Variants in DAD1 observed in about 807,000 individuals in gnomAD.
DAD1 encodes dolichyl-diphosphooligosaccharide--protein glycosyltransferase subunit DAD1.
In DAD1, 4 loss-of-function variants were observed where a neutral mutation model predicts 9.0. That is an observed-to-expected ratio of 0.44 (90% confidence interval 0.22 to 1.01). The LOEUF is 1.01. Ranked by LOEUF, DAD1 falls within the 50% of genes least tolerant of loss-of-function variation. The probability of loss-of-function intolerance (pLI) is 0.24; values close to 1 mark genes in which losing one functional copy is unlikely to be tolerated. For missense variants in DAD1, 119 were observed against 137.3 expected (o/e 0.87, Z 0.67); for synonymous variants, 60 against 62.5 (o/e 0.96, Z 0.19).
At chr14:22,566,481 G>A (rs764577071) in intron 2 of DAD1, among the ~76,000 whole-genome samples, 13 of 152,090 alleles carry the variant, frequency 8.5e-5, no homozygotes, top group Non-Finnish European at 1.5e-4. Flanking sequence ...TTACAGGCGT[G>A]TGCCACCACA....
At chr14:22,575,990 C>G (rs770810129) in intron 1 of DAD1, among the ~76,000 whole-genome samples, 1 of 152,080 alleles carries the variant, frequency 6.6e-6, no homozygotes, top group Non-Finnish European at 1.5e-5. Flanking sequence ...ACAAATGTAC[C>G]CCCTCAATTA....
intron 2 of DAD1, among the ~76,000 whole-genome samples, chr14:22,566,907 T>C (rs1033072954): frequency 6.6e-6 from 1 of 152,212 alleles, no homozygotes; most frequent in African/African-American, 2.4e-5. Context: ...CAGATCTATT[T>C]ACCAGACACT....
At chr14:22,582,164 G>A (rs564636014) in intron 1 of DAD1, among the ~76,000 whole-genome samples, 27 of 151,352 alleles carry the variant, frequency 1.8e-4, no homozygotes, top group Non-Finnish European at 3.5e-4. Flanking sequence ...CTGAGATCGC[G>A]CCACTGCACT....
At chr14:22,581,359 A>C (rs2037114141) in intron 1 of DAD1, among the ~76,000 whole-genome samples, 1 of 152,188 alleles carries the variant, frequency 6.6e-6, no homozygotes, top group South Asian at 2.1e-4. Flanking sequence ...GCTATTTAAG[A>C]CCAATATTTG....
rs1185220873 is a variant in DAD1 at position 22,584,870 on chromosome 14, G to A, written c.211+4077C>T. On this transcript the variant is annotated intron_variant, in intron 1 of 2. Transcript: ENST00000250498. ...TCAAATCAAGCCTGCAAACACAATA[G>A]AAGATGGACTGGAAACCAGAGGCCG... Among the ~76,000 whole-genome samples, 3 of 152,264 alleles carry A rather than the reference G, an allele frequency of 2.0e-5. No homozygotes were observed. In the East Asian group the frequency reaches 5.8e-4, roughly 29 times the overall value.
intron 2 of DAD1, among the ~76,000 whole-genome samples, chr14:22,574,228 A>T (rs1205957300): frequency 6.6e-6 from 1 of 152,330 alleles, no homozygotes; most frequent in African/African-American, 2.4e-5. Context: ...AGGGAAGGCC[A>T]ATGGATTGTT....
chr14:22,575,135 G>C lies in DAD1; in HGVS notation c.310C>G (p.Leu104Val). ...ACAAAGTTCATGACAACAAGGTGCA[G>C]GATGGTGCTGGCAAAGAGAAAATCA... is the stretch of plus-strand genomic sequence containing the variant. ...FADFLFASTI[L>V]HLVVMNFVG The change falls in exon 2 of 3, where the codon CTG becomes GTG. Residue 104 changes from leucine (L) to valine (V), a missense_variant. By Grantham distance (32) the Leu-to-Val change is conservative. Transcript: ENST00000250498. 1.9e-6 allele frequency: 3 copies of C among 1,614,150 alleles called. No individual in the cohort carries two copies. Among genetic ancestry groups the C allele is most frequent in the Non-Finnish European group, 2.5e-6 (3 of 1,179,988 alleles).
intron 1 of DAD1, among the ~76,000 whole-genome samples, chr14:22,581,391 T>C (rs1363867370): frequency 1.3e-5 from 2 of 152,124 alleles, no homozygotes; most frequent in Non-Finnish European, 2.9e-5. Context: ...ACCAACCATG[T>C]AAAAATCTGG....
chr14:22,586,029 AC>A (rs2037149744), intron 1 of DAD1, among the ~76,000 whole-genome samples: 3 of 151,966 alleles, frequency 2.0e-5, no homozygotes, highest in Admixed American at 2.0e-4. Flanking sequence ...ACACGATGAA[AC>A]CCTGTCTCCA....
intron 2 of DAD1, among the ~76,000 whole-genome samples, chr14:22,574,344 T>A (rs76050305): frequency 5.3e-5 from 8 of 151,942 alleles, no homozygotes; most frequent in African/African-American, 1.9e-4. Flanking sequence ...AGGGAGCGAT[T>A]TAGGGGAGGG....
At chr14:22,575,837 G>C (rs1394434483) in intron 1 of DAD1, among the ~76,000 whole-genome samples, 1 of 152,076 alleles carries the variant, frequency 6.6e-6, no homozygotes, top group Non-Finnish European at 1.5e-5. Flanking sequence ...ATGAGCCACC[G>C]TGCCCGGACA....
At chr14:22,583,247 TA>T (rs892094976) in intron 1 of DAD1, among the ~76,000 whole-genome samples, 103 of 151,462 alleles carry the variant, frequency 6.8e-4, no homozygotes, top group African/African-American at 1.5e-3. Flanking sequence ...TTTATCTATT[TA>T]AAAAAAAATA....
At chr14:22,567,684 A>G (rs1389171685) in intron 2 of DAD1, among the ~76,000 whole-genome samples, 1 of 152,216 alleles carries the variant, frequency 6.6e-6, no homozygotes, top group Non-Finnish European at 1.5e-5. Context: ...CAAATGTTCA[A>G]TAACCACATG....
intron 2 of DAD1, among the ~76,000 whole-genome samples, chr14:22,573,431 A>C (rs765991898): frequency 3.0e-4 from 46 of 152,136 alleles, no homozygotes; most frequent in Non-Finnish European, 4.6e-4. Flanking sequence ...AAATTGTATT[A>C]AAATAACAGA....
chr14:22,586,846 A>C (rs1239235767), intron 1 of DAD1, among the ~76,000 whole-genome samples: 1 of 152,210 alleles, frequency 6.6e-6, no homozygotes, highest in Non-Finnish European at 1.5e-5. Flanking sequence ...ATGCTGTCAA[A>C]AGAAGGGTAA....
At chr14:22,586,285 C>T (rs1022871649) in intron 1 of DAD1, among the ~76,000 whole-genome samples, 2 of 152,010 alleles carry the variant, frequency 1.3e-5, no homozygotes, top group East Asian at 1.9e-4. Flanking sequence ...GTGACTCACA[C>T]CTGTAATCCC....
chr14:22,582,731 C>T (rs987862810), intron 1 of DAD1, among the ~76,000 whole-genome samples: 1 of 152,300 alleles, frequency 6.6e-6, no homozygotes, highest in East Asian at 1.9e-4. Flanking sequence ...ACCGGCCGGG[C>T]ATGGCGGCTC....
chr14:22,580,847 A>C (rs2037111463), intron 1 of DAD1, among the ~76,000 whole-genome samples: 1 of 152,148 alleles, frequency 6.6e-6, no homozygotes. Context: ...GAATCTGGTA[A>C]GCCACCTCCA....
intron 1 of DAD1, among the ~76,000 whole-genome samples, chr14:22,584,368 A>G (rs2037138338): frequency 6.6e-6 from 1 of 152,072 alleles, no homozygotes; most frequent in African/African-American, 2.4e-5. Context: ...ATACAAGGTG[A>G]AAAAGGAATA....
Sources: gnomAD v4.1 joint callset for allele counts (sites outside exome capture counted in the v4.1 genomes callset) on GRCh38, gnomAD v4.1.1 for gene constraint, MANE v1.5 for transcripts, NCBI Gene and HGNC (gene_info 2026-07-23, HGNC 2026-07-21) for gene names.